Variants in HCN1 observed in about 807,000 individuals in gnomAD.
HCN1 encodes hyperpolarization activated cyclic nucleotide gated potassium channel 1, also known as potassium/sodium hyperpolarization-activated cyclic nucleotide-gated channel 1.
In HCN1, 13 loss-of-function variants were observed where a neutral mutation model predicts 78.9. The ratio of observed to expected loss-of-function variants is 0.16; its 90% CI spans 0.11 to 0.26. The LOEUF is 0.26. Ranked by LOEUF, HCN1 falls within the 10% of genes least tolerant of loss-of-function variation. The pLI, the probability that HCN1 is intolerant of heterozygous loss-of-function variation, is 1.00. For missense variants in HCN1, 810 were observed against 1,154.3 expected (o/e 0.70, Z 4.32); for synonymous variants, 552 against 455.5 (o/e 1.21, Z -2.70).
intron 4 of HCN1, among the ~76,000 whole-genome samples, chr5:45,380,892 A>G (rs943894173): frequency 2.6e-5 from 4 of 152,152 alleles, no homozygotes; most frequent in African/African-American, 9.6e-5. Flanking sequence ...GTAAAACTAG[A>G]AAATATTAAA....
chr5:45,645,788 T>C (rs1745536923), intron 1 of HCN1, among the ~76,000 whole-genome samples, 180 bp from the exon 2 acceptor site: 1 of 152,108 alleles, frequency 6.6e-6, no homozygotes, highest in African/African-American at 2.4e-5. Flanking sequence ...AAAATTAATA[T>C]ATTCTTAAAC....
chr5:45,610,113 C>T (rs556684342), intron 2 of HCN1, among the ~76,000 whole-genome samples: 10 of 152,176 alleles, frequency 6.6e-5, no homozygotes, highest in Admixed American at 1.3e-4. Context: ...AAGAGCTTAG[C>T]AGTAATATAG....
chr5:45,312,676 CA>C, intron 5 of HCN1, among the ~76,000 whole-genome samples: 1 of 152,326 alleles, frequency 6.6e-6, no homozygotes, highest in South Asian at 2.1e-4. Context: ...CCTAATACTG[CA>C]CTTTTCCAAT....
intron 3 of HCN1, among the ~76,000 whole-genome samples, chr5:45,444,986 A>G (rs921729098): frequency 3.3e-5 from 5 of 152,138 alleles, no homozygotes; most frequent in Admixed American, 2.6e-4. Context: ...CTGCATTTCC[A>G]TCTGAGGTAC....
intron 2 of HCN1, among the ~76,000 whole-genome samples, chr5:45,491,559 CTT>C (rs1241879747): frequency 1.3e-5 from 2 of 152,178 alleles, no homozygotes; most frequent in African/African-American, 4.8e-5. Context: ...TGCTCAACCT[CTT>C]TGAACTTTTT....
At chr5:45,310,886 T>A (rs1745838779) in intron 5 of HCN1, among the ~76,000 whole-genome samples, 1 of 152,138 alleles carries the variant, frequency 6.6e-6, no homozygotes, top group Non-Finnish European at 1.5e-5. Flanking sequence ...AACTGGAGGC[T>A]ATCATCCCTA....
At chr5:45,682,204 A>C (rs1739713394) in intron 1 of HCN1, among the ~76,000 whole-genome samples, 1 of 151,036 alleles carries the variant, frequency 6.6e-6, no homozygotes, top group African/African-American at 2.4e-5. Flanking sequence ...TAATCCACAC[A>C]GTCTATGGTA....
chr5:45,332,369 T>C (rs1406165782), intron 5 of HCN1, among the ~76,000 whole-genome samples: 1 of 151,554 alleles, frequency 6.6e-6, no homozygotes, highest in African/African-American at 2.4e-5. Context: ...TTTTTAAATG[T>C]ACGGTGAAGT....
chr5:45,663,608 C>T (rs1393680871), intron 1 of HCN1, among the ~76,000 whole-genome samples: 2 of 143,382 alleles, frequency 1.4e-5, no homozygotes, highest in South Asian at 2.3e-4. Flanking sequence ...AACAAATTTA[C>T]AAGAAAAAAA....
At chr5:45,290,382 T>C (rs1471244160) in intron 6 of HCN1, among the ~76,000 whole-genome samples, 1 of 152,020 alleles carries the variant, frequency 6.6e-6, no homozygotes. Context: ...ACCTCCAATG[T>C]CATCACATTT....
At chr5:45,541,098 C>G (rs1743096920) in intron 2 of HCN1, among the ~76,000 whole-genome samples, 1 of 152,102 alleles carries the variant, frequency 6.6e-6, no homozygotes, top group Non-Finnish European at 1.5e-5. Flanking sequence ...GAGGAGAAGA[C>G]CTAAACTATT....
intron 3 of HCN1, among the ~76,000 whole-genome samples, chr5:45,434,216 C>G (rs149907507): frequency 2.0e-5 from 3 of 152,264 alleles, no homozygotes; most frequent in Non-Finnish European, 2.9e-5. Flanking sequence ...TATTTTCTCT[C>G]TTTTACTGGG....
At chr5:45,476,126 C>T (rs1307670959) in intron 2 of HCN1, among the ~76,000 whole-genome samples, 1 of 152,008 alleles carries the variant, frequency 6.6e-6, no homozygotes, top group Non-Finnish European at 1.5e-5. Flanking sequence ...TGGTCAATGC[C>T]ACAAAGCTCT....
At chr5:45,458,526 A>C (rs2111617300) in intron 3 of HCN1, among the ~76,000 whole-genome samples, 1 of 152,160 alleles carries the variant, frequency 6.6e-6, no homozygotes, top group Admixed American at 6.6e-5. Context: ...GCCACTTTTT[A>C]GTGTCAGAGC....
chr5:45,395,289 A>G lies in HCN1; in HGVS notation c.1230+1203T>C, dbSNP rs146072638. 5.6e-4 allele frequency among the ~76,000 whole-genome samples: 85 copies of G among 152,242 alleles called. 1 individual carries two copies. The highest frequency in any genetic ancestry group is 1.8e-3 in the African/African-American group (76 of 41,568). On this transcript the variant is annotated intron_variant, in intron 4 of 7. Coordinates refer to ENST00000303230, the MANE Select transcript of HCN1 (RefSeq NM_021072.4). ...TTAAATCTCCATAAAATTAGCCCAA[A>G]TTCCTTTAAGTATATAATTCTTAGT...
At chr5:45,397,471 A>AT (rs1321682149) in intron 3 of HCN1, among the ~76,000 whole-genome samples, 1 of 151,990 alleles carries the variant, frequency 6.6e-6, no homozygotes, top group African/African-American at 2.4e-5. Flanking sequence ...TGCAAGCTCA[A>AT]TTTTTTAAAA....
chr5:45,535,074 T>C (rs1742938759), intron 2 of HCN1, among the ~76,000 whole-genome samples: 1 of 152,134 alleles, frequency 6.6e-6, no homozygotes, highest in Non-Finnish European at 1.5e-5. Flanking sequence ...TCACGCACTA[T>C]AAAACCAAAA....
chr5:45,654,487 T>G (rs1034130167), intron 1 of HCN1, among the ~76,000 whole-genome samples: 1 of 152,174 alleles, frequency 6.6e-6, no homozygotes, highest in African/African-American at 2.4e-5. Context: ...TCTTGACAAT[T>G]TATTCCTTTA....
intron 6 of HCN1, among the ~76,000 whole-genome samples, chr5:45,281,204 G>A (rs1485759933): frequency 6.6e-6 from 1 of 152,000 alleles, no homozygotes; most frequent in Non-Finnish European, 1.5e-5. Context: ...AGAGGGGCCT[G>A]GTGGGAGGTA....
Sources: allele counts gnomAD v4.1 joint callset (sites outside exome capture counted in the v4.1 genomes callset), GRCh38; gene constraint gnomAD v4.1.1; transcripts MANE v1.5; gene names NCBI Gene and HGNC (gene_info 2026-07-23, HGNC 2026-07-21).